Variants in KCNQ1 observed in about 807,000 individuals in gnomAD.
The protein encoded by KCNQ1 is potassium voltage-gated channel subfamily KQT member 1.
A neutral mutation model predicts 72.4 loss-of-function variants in KCNQ1; 49 were observed. The observed-to-expected ratio is 0.68, with a 90% confidence interval of 0.54 to 0.86. The LOEUF (loss-of-function observed/expected upper bound fraction) is 0.86, where lower values mean the gene tolerates loss of function less well. Ranked by LOEUF, KCNQ1 falls within the 40% of genes least tolerant of loss-of-function variation. KCNQ1 has a pLI of 0.00. For synonymous variants in KCNQ1, 450 were observed against 412.6 expected, an observed-to-expected ratio of 1.09 and a Z score of -1.10; for missense variants, 790 against 945.1, an observed-to-expected ratio of 0.84 and a Z score of 2.15.
In KCNQ1 at chr11:2,642,563, TTTC is replaced by T. The variant is rs1425359395; in HGVS notation, c.1394-19392_1394-19390del. 1 of 397,898 alleles carries T rather than the reference TTTC, an allele frequency of 2.5e-6. No homozygotes were observed. The highest frequency in any genetic ancestry group is 4.4e-6 in the Non-Finnish European group (1 of 225,728). 24.6% of individuals were successfully genotyped at this position (397,898 alleles called of 1,614,324 possible). A position where few individuals can be genotyped will look rare whatever the true frequency, so the allele number is the denominator to read the frequency against. On this transcript the variant is annotated intron_variant, in intron 10 of 15. Coordinates refer to ENST00000155840, the MANE Select transcript of KCNQ1 (RefSeq NM_000218.3). This position sits in a 1 kb window ranked among gnomAD's most constrained non-coding sequence, Gnocchi z 4.3. ...TTTTATTCATGTAGGTCTTCTCTCT[TTTC>T]TTCTTGGATAGTTTAGCCACTGGTT...
chr11:2,617,603 G>C lies in KCNQ1; in HGVS notation c.1393+28749G>C. On this transcript the variant is annotated intron_variant, in intron 10 of 15. Coordinates refer to ENST00000155840, the MANE Select transcript of KCNQ1 (RefSeq NM_000218.3). The surrounding 1 kb of genome is among the most constrained non-coding windows in gnomAD (Gnocchi z 4.6). ...TAGAAGAGGGATTAGTGGGTCAGAT[G>C]ATAGTATATTTTCAATTTCTTTAGG... is the stretch of plus-strand genomic sequence containing the variant. 1 of 398,406 alleles carries C rather than the reference G, an allele frequency of 2.5e-6. No individual in the cohort carries two copies. Among genetic ancestry groups the C allele is most frequent in the Non-Finnish European group, 4.4e-6 (1 of 225,956 alleles). The allele number at this position is 398,406 out of a possible 1,614,324, so 24.7% of individuals were successfully genotyped here. A position where few individuals can be genotyped will look rare whatever the true frequency, so the allele number is the denominator to read the frequency against.
Position 2,588,590 on chromosome 11 carries a change from T to A in KCNQ1, c.1252-123T>A, listed in dbSNP as rs1431528882. The stretch of plus-strand genomic sequence containing the variant: ...ACTGGAGCTGGCCCCAGGCCTCAGG[T>A]CCCTGTCCGGGTGTATGTGGCGGGG... On this transcript the variant is annotated intron_variant, in intron 9 of 15. Transcript: ENST00000155840. The surrounding 1 kb of genome is among the most constrained non-coding windows in gnomAD (Gnocchi z 5.6). The A allele has an allele frequency of 8.2e-7, 1 of 1,217,866 alleles. No individual in the cohort carries two copies. Among genetic ancestry groups the A allele is most frequent in the Non-Finnish European group, 1.2e-6 (1 of 844,890 alleles). 75.4% of individuals were successfully genotyped at this position (1,217,866 alleles called of 1,614,324 possible). A position where few individuals can be genotyped will look rare whatever the true frequency, so the allele number is the denominator to read the frequency against.
At chr11:2,637,054 C>CA (rs1477634472) in intron 10 of KCNQ1, 3 of 151,990 alleles carry the variant, frequency 2.0e-5, no homozygotes, top group African/African-American at 7.2e-5. Flanking sequence ...TTTTTTATTG[C>CA]ATCTATTTGA....
At chr11:2,586,300 C>T (rs984619023) in intron 8 of KCNQ1, among the ~76,000 whole-genome samples, 4 of 152,352 alleles carry the variant, frequency 2.6e-5, no homozygotes, top group South Asian at 2.1e-4. Context: ...AGGGGCCAGT[C>T]GCAGTCCTCC....
Position 2,611,350 on chromosome 11 carries a change from G to A in KCNQ1, c.1393+22496G>A. 1 of 397,496 alleles carries A rather than the reference G, an allele frequency of 2.5e-6. No homozygotes were observed. The allele number at this position is 397,496 out of a possible 1,614,324, so 24.6% of individuals were successfully genotyped here. ...TTCTCTTGCCTCAGCATCCCAAGTA[G>A]CTGGGACTACAGGCATTTGCCACCA... On this transcript the variant is annotated intron_variant, in intron 10 of 15. Coordinates refer to ENST00000155840, the MANE Select transcript of KCNQ1 (RefSeq NM_000218.3). This position sits in a 1 kb window ranked among gnomAD's most constrained non-coding sequence, Gnocchi z 5.3.
chr11:2,586,459 T>C (rs1428245222), intron 8 of KCNQ1, among the ~76,000 whole-genome samples: 1 of 152,196 alleles, frequency 6.6e-6, no homozygotes, highest in African/African-American at 2.4e-5. Flanking sequence ...CGCCCACGCC[T>C]GGCAGGGGAC....
In KCNQ1 at chr11:2,483,863, C is replaced by A. The variant is rs987132615; in HGVS notation, c.386+38379C>A. The stretch of plus-strand genomic sequence containing the variant: ...TTTTCCGCTTCATAATTAGTAAACA[C>A]CTTGAGGAAGCTACATTGAGACATT... On this transcript the variant is annotated intron_variant, in intron 1 of 15. Coordinates refer to ENST00000155840, the MANE Select transcript of KCNQ1 (RefSeq NM_000218.3). This position sits in a 1 kb window ranked among gnomAD's most constrained non-coding sequence, Gnocchi z 6.1. Among the ~76,000 whole-genome samples the A allele has an allele frequency of 6.6e-6, 1 of 152,156 alleles. No homozygotes were observed. The highest frequency in any genetic ancestry group is 6.5e-5 in the Admixed American group (1 of 15,268).
intron 11 of KCNQ1, chr11:2,685,697 G>T: frequency 2.5e-6 from 1 of 398,644 alleles, no homozygotes; most frequent in South Asian, 1.3e-4. Flanking sequence ...TCAGGCCTTC[G>T]GTCTGGGACC....
At chr11:2,631,727 G>T (rs1039813688) in intron 10 of KCNQ1, 4 of 398,432 alleles carry the variant, frequency 1.0e-5, no homozygotes, top group Non-Finnish European at 1.3e-5. Context: ...GCCCAGATGA[G>T]GATATAATGG....
chr11:2,745,869 A>G lies in KCNQ1; in HGVS notation c.1515-22975A>G, dbSNP rs569586002. ...CATCCTCGGCTGCCTCTTCTCCCTC[A>G]CTACTATTTGGTTTTTGTTTTGTTT... On this transcript the variant is annotated intron_variant, in intron 11 of 15. Coordinates refer to ENST00000155840, the MANE Select transcript of KCNQ1 (RefSeq NM_000218.3). The surrounding 1 kb of genome is among the most constrained non-coding windows in gnomAD (Gnocchi z 6.2). Among the ~76,000 whole-genome samples the G allele has an allele frequency of 4.6e-5, 7 of 152,258 alleles. No individual in the cohort carries two copies. In the East Asian group the frequency reaches 1.4e-3, roughly 29 times the overall value.
chr11:2,778,941 C>T (rs1846767588), intron 15 of KCNQ1, among the ~76,000 whole-genome samples: 1 of 152,082 alleles, frequency 6.6e-6, no homozygotes, highest in Non-Finnish European at 1.5e-5. Flanking sequence ...CCAGGACCTG[C>T]AGCGTCACCC....
chr11:2,732,606 G>A (rs749870515), intron 11 of KCNQ1, among the ~76,000 whole-genome samples: 4 of 152,306 alleles, frequency 2.6e-5, no homozygotes, highest in East Asian at 1.9e-4. Flanking sequence ...CGGTGCTTCC[G>A]ACGGGGCCCG....
At position 2,678,021 on chromosome 11, in the gene KCNQ1, T is replaced by TG. The variant is rs1448239368; in HGVS notation, c.1514+15941dup. ...ATCTTTCCAAATGCTTAAAATCATTTGTTTTTCTTTCTTGTGAACTATTTC... is the reference window on the plus strand; with the variant it reads ...ATCTTTCCAAATGCTTAAAATCATTTGGTTTTTCTTTCTTGTGAACTATTTC... On this transcript the variant is annotated intron_variant, in intron 11 of 15. Coordinates refer to ENST00000155840, the MANE Select transcript of KCNQ1 (RefSeq NM_000218.3). This position sits in a 1 kb window ranked among gnomAD's most constrained non-coding sequence, Gnocchi z 4.9. 3.0e-6 allele frequency: 1 copy of TG among 328,862 alleles called. No homozygotes were observed. The highest frequency in any genetic ancestry group is 5.0e-5 in the African/African-American group (1 of 19,980). The allele number at this position is 328,862 out of a possible 1,614,324, so 20.4% of individuals were successfully genotyped here.
At position 2,691,536 on chromosome 11, in the gene KCNQ1, G is replaced by A; in HGVS notation, c.1514+29455G>A. ...GCTTGGCTTTGCATTAAAGTTGGGG[G>A]GATTTCTCTATCCTGAGGTTATGAA... On this transcript the variant is annotated intron_variant, in intron 11 of 15. Transcript: ENST00000155840. The surrounding 1 kb of genome is among the most constrained non-coding windows in gnomAD (Gnocchi z 6.4). 5.0e-6 allele frequency: 2 copies of A among 398,552 alleles called. No individual in the cohort carries two copies. The highest frequency in any genetic ancestry group is 3.6e-5 in the East Asian group (1 of 28,064). The allele number at this position is 398,552 out of a possible 1,614,324, so 24.7% of individuals were successfully genotyped here.
chr11:2,708,974 A>G (rs765097836), intron 11 of KCNQ1, among the ~76,000 whole-genome samples: 129 of 152,076 alleles, frequency 8.5e-4, no homozygotes, highest in Non-Finnish European at 1.4e-3. Context: ...GTGAGCCATC[A>G]GCTGTTTATA....
rs1848215956 is a variant in KCNQ1 at position 2,564,290 on chromosome 11, T to A, written c.478-6338T>A. On this transcript the variant is annotated intron_variant, in intron 2 of 15. Coordinates refer to ENST00000155840, the MANE Select transcript of KCNQ1 (RefSeq NM_000218.3). The surrounding 1 kb of genome is among the most constrained non-coding windows in gnomAD (Gnocchi z 4.5). Reference sequence around the variant, plus strand: ...TAGTTCCTGACAAACATGTTCTTTTTAAACATTATGGTGAAATATAAGGCC... The same window carrying A: ...TAGTTCCTGACAAACATGTTCTTTTAAAACATTATGGTGAAATATAAGGCC... Among the ~76,000 whole-genome samples the A allele has an allele frequency of 6.6e-6, 1 of 152,178 alleles. No homozygotes were observed. The highest frequency in any genetic ancestry group is 2.4e-5 in the African/African-American group (1 of 41,428).
chr11:2,610,832 A>T, intron 10 of KCNQ1: 1 of 393,478 alleles, frequency 2.5e-6, no homozygotes, highest in Non-Finnish European at 4.4e-6. Context: ...TGTCTCCCTG[A>T]CACCAGAACA....
At chr11:2,558,741 C>G (rs1018106019) in intron 2 of KCNQ1, among the ~76,000 whole-genome samples, 1 of 152,132 alleles carries the variant, frequency 6.6e-6, no homozygotes, top group African/African-American at 2.4e-5. Context: ...AAGGCACCGG[C>G]AGTACATGTG....
At position 2,676,726 on chromosome 11, in the gene KCNQ1, T is replaced by C. The variant is rs1850301668; in HGVS notation, c.1514+14645T>C. ...GCAGGAGATAACCAAGTCATATGCA[T>C]AGTGGCTTTGGGTACGATGGTCTGC... On this transcript the variant is annotated intron_variant, in intron 11 of 15. Transcript: ENST00000155840. This position sits in a 1 kb window ranked among gnomAD's most constrained non-coding sequence, Gnocchi z 4.2. The C allele has an allele frequency of 5.0e-6, 2 of 398,656 alleles. No homozygotes were observed. Among genetic ancestry groups the C allele is most frequent in the East Asian group, 7.1e-5 (2 of 28,086 alleles). 24.7% of individuals were successfully genotyped at this position (398,656 alleles called of 1,614,324 possible).
Sources: allele counts gnomAD v4.1 joint callset (sites outside exome capture counted in the v4.1 genomes callset), GRCh38; gene constraint gnomAD v4.1.1; non-coding constraint Gnocchi (gnomAD v3.1); transcripts MANE v1.5; gene names NCBI Gene and HGNC (gene_info 2026-07-23, HGNC 2026-07-21).